ZMYND15: variants seen among roughly 807,000 people sequenced by gnomAD.
ZMYND15 encodes zinc finger MYND domain-containing protein 15.
In ZMYND15, 54 loss-of-function variants were observed where a neutral mutation model predicts 81.7. That is an observed-to-expected ratio of 0.66 (90% CI 0.53 to 0.83). The LOEUF (loss-of-function observed/expected upper bound fraction) is 0.83. Ranked by LOEUF, ZMYND15 falls within the 40% of genes least tolerant of loss-of-function variation. ZMYND15 has a pLI of 0.00. For missense variants in ZMYND15, 925 were observed against 973.5 expected (o/e 0.95, Z 0.66); for synonymous variants, 399 against 387.0 (o/e 1.03, Z -0.36).
intron 1 of ZMYND15, 34 bp downstream of exon 1, chr17:4,740,084 G>T: frequency 2.0e-6 from 2 of 986,056 alleles, no homozygotes; most frequent in Non-Finnish European, 2.4e-6. Context: ...GGAGGGGCTA[G>T]GTCTACCGGG....
In ZMYND15 at chr17:4,743,451, C is replaced by T. The variant is rs147604131; in HGVS notation, c.1293C>T (p.Arg431=). The change falls in exon 6 of 14, where the codon CGC becomes CGT. Residue 431 remains arginine, a synonymous_variant. Transcript: ENST00000433935. This position sits in a 1 kb window ranked among gnomAD's most constrained non-coding sequence, Gnocchi z 4.3. ...ACACGCCATCCCTCAGCCTTCTTCG[C>T]GGTGGTGCGTGGGGTCTCTCCAGGC... ...RGNTPSLSLL[R]GGDPYQLLQG... 380 of 1,613,946 alleles carry T rather than the reference C, an allele frequency of 2.4e-4. No individual in the cohort carries two copies. The highest frequency in any genetic ancestry group is 3.0e-4 in the Non-Finnish European group (354 of 1,179,952).
intron 5 of ZMYND15, 71 bp downstream of exon 5, chr17:4,742,562 G>A: frequency 6.4e-7 from 1 of 1,572,934 alleles, no homozygotes; most frequent in Non-Finnish European, 8.7e-7. Context: ...TTAGATGTCT[G>A]GGAACAGGGT....
At position 4,743,347 on chromosome 17, in the gene ZMYND15, C is replaced by A; in HGVS notation, c.1189C>A (p.Arg397=). The change falls in exon 6 of 14, where the codon CGG becomes AGG. Residue 397 remains arginine, a synonymous_variant. Coordinates refer to ENST00000433935, the MANE Select transcript of ZMYND15 (RefSeq NM_001136046.3). This position sits in a 1 kb window ranked among gnomAD's most constrained non-coding sequence, Gnocchi z 4.3. ...TFNKEAFLAS[R]GLTRGYWTQL... is the part of the protein sequence containing the mutation. ...CAACAAAGAGGCCTTCCTGGCCTCT[C>A]GGGGCCTCACTCGTGGCTATTGGAC... 4 of 1,614,110 alleles carry A rather than the reference C, an allele frequency of 2.5e-6. No individual in the cohort carries two copies. Among genetic ancestry groups the A allele is most frequent in the Non-Finnish European group, 3.4e-6 (4 of 1,179,998 alleles).
chr17:4,746,098 A>G lies in ZMYND15; in HGVS notation c.*108A>G. 1 of 1,195,484 alleles carries G rather than the reference A, an allele frequency of 8.4e-7. No homozygotes were observed. 74.1% of individuals were successfully genotyped at this position (1,195,484 alleles called of 1,614,324 possible). ...TGGTAAAACATGAAAAGGTAAATAA[A>G]ATTACTTGTTTGAAACCACTGAGTC... On this transcript the variant is annotated 3_prime_UTR_variant, in exon 14 of 14. Coordinates refer to ENST00000433935, the MANE Select transcript of ZMYND15 (RefSeq NM_001136046.3).
At chr17:4,740,218 C>T in intron 1 of ZMYND15, 168 bp downstream of exon 1, 1 of 545,828 alleles carries the variant, frequency 1.8e-6, no homozygotes, top group South Asian at 6.6e-5. Context: ...CCTCTCTCCT[C>T]TCTAGCCTTA....
Position 4,744,173 on chromosome 17 carries a change from G to A in ZMYND15, c.1496-17G>A, listed in dbSNP as rs746346575. The A allele has an allele frequency of 1.2e-5, 20 of 1,613,824 alleles. No individual in the cohort carries two copies. The highest frequency in any genetic ancestry group is 2.2e-5 in the South Asian group (2 of 91,084). On this transcript the variant is annotated splice_polypyrimidine_tract_variant and intron_variant, in intron 8 of 13. Transcript: ENST00000433935. This position sits in a 1 kb window ranked among gnomAD's most constrained non-coding sequence, Gnocchi z 4.1. ...TGAGAGTGGACCACATCCTTAAAGC[G>A]CTGGTTTTTCACCCAGTCCCTGAGC...
At position 4,745,750 on chromosome 17, in the gene ZMYND15, GA is replaced by G. The variant is rs1567700448; in HGVS notation, c.2058-68del. 89 of 1,014,282 alleles carry G rather than the reference GA, an allele frequency of 8.8e-5. No homozygotes were observed. The African/African-American group carries it at 1.6e-3, about 18-fold the overall frequency. The allele number at this position is 1,014,282 out of a possible 1,614,324, so 62.8% of individuals were successfully genotyped here. ...CCCTGACCGCGCCCCTGGGAGCCCC[GA>G]CCCCTGGGAGCGCCGACCCCTGGGA... On this transcript the variant is annotated intron_variant, in intron 13 of 13. Coordinates refer to ENST00000433935, the MANE Select transcript of ZMYND15 (RefSeq NM_001136046.3). This position sits in a 1 kb window ranked among gnomAD's most constrained non-coding sequence, Gnocchi z 5.2.
chr17:4,742,829 G>A (rs1916485720), intron 5 of ZMYND15, among the ~76,000 whole-genome samples: 1 of 152,148 alleles, frequency 6.6e-6, no homozygotes, highest in South Asian at 2.1e-4. Flanking sequence ...ATACGGAGAA[G>A]GCCCATGGAA....
rs565404682 is a variant in ZMYND15, at chr17:4,743,610, C to T, written c.1297+155C>T. The T allele has an allele frequency of 1.5e-6, 2 of 1,298,642 alleles. No individual in the cohort carries two copies. Among genetic ancestry groups the T allele is most frequent in the Non-Finnish European group, 2.1e-6 (2 of 950,912 alleles). The allele number at this position is 1,298,642 out of a possible 1,614,324, so 80.4% of individuals were successfully genotyped here. Reference sequence around the variant, plus strand: ...CCTTTCCCAGCCCTCAATGGAATCACCCCTACCAACTCCACCCAGAAACCC... The same window carrying T: ...CCTTTCCCAGCCCTCAATGGAATCATCCCTACCAACTCCACCCAGAAACCC... On this transcript the variant is annotated intron_variant, in intron 6 of 13. Transcript: ENST00000433935. The surrounding 1 kb of genome is among the most constrained non-coding windows in gnomAD (Gnocchi z 4.3).
At position 4,744,003 on chromosome 17, in the gene ZMYND15, A is replaced by T. The variant is rs751923444; in HGVS notation, c.1391A>T (p.Asp464Val). ...PPRGVFGSWQ[D>V]YYTWRGLSLD... Reference sequence around the variant, plus strand: ...CCTCTCCTGCCAGGCTCATGGCAGGATTACTACACATGGCGGGGCCTCAGC... The same window carrying T: ...CCTCTCCTGCCAGGCTCATGGCAGGTTTACTACACATGGCGGGGCCTCAGC... The change falls in exon 8 of 14, where the codon GAT becomes GTT. Residue 464 changes from aspartate to valine, a missense_variant. Transcript: ENST00000433935. The surrounding 1 kb of genome is among the most constrained non-coding windows in gnomAD (Gnocchi z 4.1). 6.4e-7 allele frequency: 1 copy of T among 1,553,454 alleles called. No homozygotes were observed. Among genetic ancestry groups the T allele is most frequent in the South Asian group, 1.2e-5 (1 of 84,836 alleles).
At chr17:4,741,450 C>T in intron 2 of ZMYND15, 132 bp from the exon 3 acceptor site, 1 of 1,014,992 alleles carries the variant, frequency 9.9e-7, no homozygotes. Context: ...AGCGTGCCCT[C>T]TCTACCCAGA....
intron 4 of ZMYND15, 62 bp from the exon 5 acceptor site, chr17:4,742,269 T>C: frequency 6.3e-7 from 1 of 1,593,636 alleles, no homozygotes; most frequent in South Asian, 1.1e-5. Context: ...GCTGGGCAGT[T>C]GAACAGCAGA....
In ZMYND15 at chr17:4,741,996, C is replaced by T; in HGVS notation, c.909C>T (p.Phe303=). The T allele has an allele frequency of 6.2e-7, 1 of 1,614,200 alleles. No individual in the cohort carries two copies. Among genetic ancestry groups the T allele is most frequent in the Non-Finnish European group, 8.5e-7 (1 of 1,180,046 alleles). Residue 303 remains phenylalanine, a synonymous_variant, in exon 4 of 14, where the codon TTC becomes TTT. Transcript: ENST00000433935. Reference sequence around the variant, plus strand: ...GGACATGGGGTCCCCGGCCAGGCTTCACCTTTGCTTCCCTTCGTGCTCGAA... The same window carrying T: ...GGACATGGGGTCCCCGGCCAGGCTTTACCTTTGCTTCCCTTCGTGCTCGAA... ...PMRTWGPRPG[F]TFASLRARTC... is the part of the protein sequence containing the mutation.
chr17:4,740,472 C>G, intron 1 of ZMYND15, 47 bp from the exon 2 acceptor site: 1 of 1,479,244 alleles, frequency 6.8e-7, no homozygotes, highest in Non-Finnish European at 9.0e-7. Flanking sequence ...CCCCAAACTC[C>G]ATCATTGCTC....
Position 4,744,919 on chromosome 17 carries a change from C to T in ZMYND15, c.1887C>T (p.Pro629=), listed in dbSNP as rs781288167. Residue 629 remains proline (P), a synonymous_variant, in exon 12 of 14, where the codon CCC becomes CCT. Coordinates refer to ENST00000433935, the MANE Select transcript of ZMYND15 (RefSeq NM_001136046.3). This position sits in a 1 kb window ranked among gnomAD's most constrained non-coding sequence, Gnocchi z 4.1. The part of the protein sequence containing the change: ...ALKDTWLRSL[P]RLQSLRVPAF... ...AGGATACGTGGCTGAGGTCTCTGCC[C>T]CGGTTACAGGTGGGCAATGGGGGCA... 2 of 1,614,058 alleles carry T rather than the reference C, an allele frequency of 1.2e-6. No homozygotes were observed. Among genetic ancestry groups the T allele is most frequent in the Non-Finnish European group, 1.7e-6 (2 of 1,180,002 alleles).
chr17:4,744,256 T>C lies in ZMYND15; in HGVS notation c.1562T>C (p.Phe521Ser). The change falls in exon 9 of 14, where the codon TTT becomes TCT. Residue 521 changes from phenylalanine to serine, a missense_variant. Physicochemically the swap from Phe to Ser is radical, Grantham distance 155. Transcript: ENST00000433935. This position sits in a 1 kb window ranked among gnomAD's most constrained non-coding sequence, Gnocchi z 4.1. Reference protein sequence around the residue: ...KIHVVEAGKEFDLVMVFWELL... With the variant: ...KIHVVEAGKESDLVMVFWELL... ...CACGTGGTGGAGGCCGGGAAGGAGT[T>C]TGACCTTGTCATGGTGTTTTGGGTA... 1 of 1,614,052 alleles carries C rather than the reference T, an allele frequency of 6.2e-7. No individual in the cohort carries two copies. Among genetic ancestry groups the C allele is most frequent in the Non-Finnish European group, 8.5e-7 (1 of 1,179,984 alleles).
intron 2 of ZMYND15, 67 bp from the exon 3 acceptor site, chr17:4,741,515 C>A: frequency 6.4e-6 from 10 of 1,570,516 alleles, no homozygotes; most frequent in Non-Finnish European, 8.7e-6. Flanking sequence ...GAGTTTGGTA[C>A]TCCTGACCCT....
chr17:4,742,093 G>T (rs773805070), intron 4 of ZMYND15, 23 bp downstream of exon 4: 6 of 1,613,234 alleles, frequency 3.7e-6, no homozygotes, highest in East Asian at 2.2e-5. Flanking sequence ...AAAGCTGGGG[G>T]AGAGGAAGAC....
At position 4,743,399 on chromosome 17, in the gene ZMYND15, C is replaced by T. The variant is rs200277327; in HGVS notation, c.1241C>T (p.Pro414Leu). The change falls in exon 6 of 14, where the codon CCG becomes CTG. Residue 414 changes from proline (P) to leucine (L), a missense_variant. Coordinates refer to ENST00000433935, the MANE Select transcript of ZMYND15 (RefSeq NM_001136046.3). The surrounding 1 kb of genome is among the most constrained non-coding windows in gnomAD (Gnocchi z 4.3). Reference sequence around the variant, plus strand: ...CAGCTCAGCATGCTGATTCCAGGCCCGGGCTTCTCCAGACACCCCCGAGGC... The same window carrying T: ...CAGCTCAGCATGCTGATTCCAGGCCTGGGCTTCTCCAGACACCCCCGAGGC... Reference protein sequence around the residue: ...WTQLSMLIPGPGFSRHPRGNT... With the variant: ...WTQLSMLIPGLGFSRHPRGNT... The T allele has an allele frequency of 1.5e-5, 25 of 1,614,074 alleles. No individual in the cohort carries two copies. The highest frequency in any genetic ancestry group is 1.3e-4 in the South Asian group (12 of 91,056).
Sources: gnomAD v4.1 joint callset for allele counts (sites outside exome capture counted in the v4.1 genomes callset) on GRCh38, gnomAD v4.1.1 for gene constraint, Gnocchi (gnomAD v3.1) non-coding constraint, MANE v1.5 for transcripts, NCBI Gene and HGNC (gene_info 2026-07-23, HGNC 2026-07-21) for gene names.